LPXN: variants seen among roughly 807,000 people sequenced by gnomAD.
LPXN encodes leupaxin.
LPXN carries 28 observed loss-of-function variants against 45.6 expected under a neutral mutation model. The ratio of observed to expected loss-of-function variants is 0.61; its 90% CI spans 0.45 to 0.84. The LOEUF (loss-of-function observed/expected upper bound fraction) is 0.84. Ranked by LOEUF, LPXN falls within the 40% of genes least tolerant of loss-of-function variation. The pLI is 0.00. For synonymous variants in LPXN, 166 were observed against 169.9 expected (o/e 0.98, Z 0.18); for missense variants, 459 against 475.0 (o/e 0.97, Z 0.31).
chr11:58,538,306 C>T (rs1165764350), intron 7 of LPXN, among the ~76,000 whole-genome samples: 9 of 152,018 alleles, frequency 5.9e-5, no homozygotes, highest in South Asian at 2.1e-4. Context: ...GGTGGCTGGG[C>T]CAAATGGTAT....
intron 8 of LPXN, 140 bp downstream of exon 8, chr11:58,527,903 T>A: frequency 8.6e-7 from 1 of 1,159,794 alleles, no homozygotes; most frequent in Non-Finnish European, 1.2e-6. Context: ...CAAATGGATC[T>A]GTATCTCGTT....
chr11:58,571,835 T>A (rs532227697), intron 1 of LPXN, among the ~76,000 whole-genome samples: 25 of 152,270 alleles, frequency 1.6e-4, no homozygotes, highest in African/African-American at 6.0e-4. Context: ...ATTTTGTAGA[T>A]CACAAGAAAG....
rs185755827 is a variant in LPXN, at chr11:58,527,202, G to A, written c.*252C>T. 9.4e-5 allele frequency: 43 copies of A among 457,418 alleles called. 1 individual carries two copies. In the East Asian group the frequency reaches 1.5e-3, roughly 16 times the overall value. The allele number at this position is 457,418 out of a possible 1,614,324, so 28.3% of individuals were successfully genotyped here. A position where few individuals can be genotyped will look rare whatever the true frequency, so the allele number is the denominator to read the frequency against. The stretch of plus-strand genomic sequence containing the variant: ...TAGAGGGACGAGATAGAAGGACCTA[G>A]ATCTAACTCCAAGTGCTTGATTGGA... On this transcript the variant is annotated 3_prime_UTR_variant, in exon 9 of 9. Coordinates refer to ENST00000395074, the MANE Select transcript of LPXN (RefSeq NM_004811.3).
intron 3 of LPXN, among the ~76,000 whole-genome samples, chr11:58,557,998 T>C (rs1480191819): frequency 6.6e-6 from 1 of 151,856 alleles, no homozygotes; most frequent in Non-Finnish European, 1.5e-5. Context: ...GATAGAACAC[T>C]CAAGACAATT....
chr11:58,565,250 T>C (rs1383738441), intron 2 of LPXN, among the ~76,000 whole-genome samples: 1 of 152,066 alleles, frequency 6.6e-6, no homozygotes, highest in Non-Finnish European at 1.5e-5. Context: ...TATGTGTTTA[T>C]TGGACGGGCG....
At chr11:58,549,034 C>T (rs1166012192) in intron 7 of LPXN, among the ~76,000 whole-genome samples, 1 of 152,158 alleles carries the variant, frequency 6.6e-6, no homozygotes, top group Non-Finnish European at 1.5e-5. Flanking sequence ...CCCTCTTAGA[C>T]AGTCAATACA....
At chr11:58,529,426 C>T (rs530476680) in intron 7 of LPXN, among the ~76,000 whole-genome samples, 3 of 151,738 alleles carry the variant, frequency 2.0e-5, no homozygotes, top group East Asian at 1.9e-4. Context: ...CTGGCTAACA[C>T]GGTGAAACCC....
chr11:58,528,287 T>A, intron 7 of LPXN, 96 bp from the exon 8 acceptor site: 1 of 1,109,462 alleles, frequency 9.0e-7, no homozygotes, highest in East Asian at 2.4e-5. Flanking sequence ...AGTGTCCTCA[T>A]ATTCAAAATA....
chr11:58,550,533 G>C (rs1854018030), intron 5 of LPXN, among the ~76,000 whole-genome samples: 1 of 152,178 alleles, frequency 6.6e-6, no homozygotes, highest in Non-Finnish European at 1.5e-5. Flanking sequence ...CCTCTAGTTT[G>C]AACACTTTAT....
chr11:58,527,605 G>A lies in LPXN; in HGVS notation c.1010C>T (p.Thr337Ile), dbSNP rs1853263556. The part of the protein sequence containing the change: ...TLCHGCGQPI[T>I]GRCISAMGYK... Reference sequence around the variant, plus strand: ...CCCCATGGCACTGATACAACGGCCAGTGATGGGCTGCCCACACCCATGGCA... The same window carrying A: ...CCCCATGGCACTGATACAACGGCCAATGATGGGCTGCCCACACCCATGGCA... The change falls in exon 9 of 9, where the codon ACT (threonine) becomes ATT (isoleucine). Residue 337 changes from threonine to isoleucine, a missense_variant. Coordinates refer to ENST00000395074, the MANE Select transcript of LPXN (RefSeq NM_004811.3). The A allele has an allele frequency of 6.2e-7, 1 of 1,614,232 alleles. No homozygotes were observed. The highest frequency in any genetic ancestry group is 8.5e-7 in the Non-Finnish European group (1 of 1,180,036).
intron 7 of LPXN, among the ~76,000 whole-genome samples, chr11:58,549,295 G>A (rs570167633): frequency 1.3e-5 from 2 of 152,280 alleles, no homozygotes; most frequent in African/African-American, 4.8e-5. Flanking sequence ...TTGGGAGGCT[G>A]AGGCAGGAGA....
chr11:58,545,272 C>T (rs2120285264), intron 7 of LPXN, among the ~76,000 whole-genome samples: 1 of 152,246 alleles, frequency 6.6e-6, no homozygotes, highest in Admixed American at 6.5e-5. Context: ...CTTAATGGTG[C>T]TTTCTGGTCA....
chr11:58,551,231 A>T lies in LPXN; in HGVS notation c.320T>A (p.Val107Asp), dbSNP rs1468213713. Residue 107 changes from valine to aspartate, a missense_variant and splice_region_variant, in exon 5 of 9, where the codon GTT (valine) becomes GAT (aspartate). By Grantham distance (152) the Val-to-Asp change is radical. Coordinates refer to ENST00000395074, the MANE Select transcript of LPXN (RefSeq NM_004811.3). ...CTTGCCAGCATCTGCTCTCACTGCA[A>T]CCTGGCCCAAGGGAAGAACCAAGAA... is the stretch of plus-strand genomic sequence containing the variant. ...MAHLTEMQAK[V>D]AVRADAGKKH... 1.2e-6 allele frequency: 2 copies of T among 1,601,674 alleles called. No individual in the cohort carries two copies. The highest frequency in any genetic ancestry group is 1.7e-6 in the Non-Finnish European group (2 of 1,174,948).
chr11:58,571,689 T>C (rs1318855177), intron 1 of LPXN, among the ~76,000 whole-genome samples: 1 of 151,010 alleles, frequency 6.6e-6, no homozygotes, highest in Non-Finnish European at 1.5e-5. Context: ...AAAAGTATTA[T>C]ATACTAGTAT....
chr11:58,578,158 A>C (rs1420565454), upstream of LPXN: 1 of 1,404,294 alleles, frequency 7.1e-7, no homozygotes, highest in African/African-American at 1.5e-5. Flanking sequence ...ATAAAAAGTA[A>C]GAAAAAGTAG....
At chr11:58,532,611 T>C (rs1035167560) in intron 7 of LPXN, among the ~76,000 whole-genome samples, 2 of 152,132 alleles carry the variant, frequency 1.3e-5, no homozygotes, top group African/African-American at 4.8e-5. Context: ...AGCTAGAGGA[T>C]TGTAAATGCA....
At chr11:58,567,675 T>G (rs1056088196) in intron 2 of LPXN, among the ~76,000 whole-genome samples, 1 of 152,222 alleles carries the variant, frequency 6.6e-6, no homozygotes, top group African/African-American at 2.4e-5. Flanking sequence ...CAAAGCTGCT[T>G]CACCATATTT....
chr11:58,549,512 C>G (rs905697433), intron 7 of LPXN, among the ~76,000 whole-genome samples: 6 of 152,084 alleles, frequency 3.9e-5, no homozygotes, highest in African/African-American at 1.4e-4. Flanking sequence ...GGGACTTTTT[C>G]AATATTCAAC....
At chr11:58,532,648 G>C (rs1266556868) in intron 7 of LPXN, among the ~76,000 whole-genome samples, 3 of 152,178 alleles carry the variant, frequency 2.0e-5, no homozygotes, top group African/African-American at 7.2e-5. Flanking sequence ...GTCTAGCTCA[G>C]GGATTGTAAA....
Sources: gnomAD v4.1 joint callset for allele counts (sites outside exome capture counted in the v4.1 genomes callset) on GRCh38, gnomAD v4.1.1 for gene constraint, MANE v1.5 for transcripts, NCBI Gene and HGNC (gene_info 2026-07-23, HGNC 2026-07-21) for gene names.